The following OR2L2 variants were observed in gnomAD, a reference collection of about 807,000 sequenced individuals.
OR2L2 encodes olfactory receptor 2L2.
For synonymous variants in OR2L2, 156 were observed against 135.4 expected (o/e 1.15, Z -1.06); for missense variants, 378 against 375.2 (o/e 1.01, Z -0.06).
rs562944050 is a variant in OR2L2 at position 248,033,583 on chromosome 1, C to T, written c.-96-1967C>T. On this transcript the variant is annotated intron_variant, in intron 1 of 2. Coordinates refer to ENST00000641771, the MANE Select transcript of OR2L2 (RefSeq NM_001385855.1). ...CCCCAAGTAGATGGGACTACTGGTG[C>T]GAGCCACCACACCTGGCTAATTTTT... Among the ~76,000 whole-genome samples the T allele has an allele frequency of 1.3e-4, 19 of 148,714 alleles. 1 individual carries two copies. The South Asian group carries it at 2.2e-3, about 17-fold the overall frequency.
chr1:248,038,030 T>G (rs1662813672), intron 2 of OR2L2: 1 of 386,266 alleles, frequency 2.6e-6, no homozygotes, highest in South Asian at 4.6e-5. Flanking sequence ...AGTATATAGT[T>G]GTAATTGTTC....
chr1:248,036,490 G>A lies in OR2L2; in HGVS notation c.-22+866G>A, dbSNP rs560748597. The stretch of plus-strand genomic sequence containing the variant: ...GCAGGTTTGTGATAGTTTTAACTCA[G>A]TGTACATACACGTGTATTGATCCTT... On this transcript the variant is annotated intron_variant, in intron 2 of 2. Transcript: ENST00000641771. 2.6e-4 allele frequency among the ~76,000 whole-genome samples: 39 copies of A among 152,218 alleles called. 1 individual carries two copies. The South Asian group carries it at 8.1e-3, about 32-fold the overall frequency.
At position 248,038,970 on chromosome 1, in the gene OR2L2, A is replaced by G; in HGVS notation, c.703A>G (p.Lys235Glu). 6.2e-7 allele frequency: 1 copy of G among 1,614,094 alleles called. No homozygotes were observed. Among genetic ancestry groups the G allele is most frequent in the African/African-American group, 1.3e-5 (1 of 75,014 alleles). Reference protein sequence around the residue: ...YRMHSAEGRKKAYSTCSTHLT... With the variant: ...YRMHSAEGRKEAYSTCSTHLT... ...CATGCACTCTGCAGAAGGGAGGAAGAAGGCCTATTCAACCTGTAGCACCCA... is the reference window on the plus strand; with the variant it reads ...CATGCACTCTGCAGAAGGGAGGAAGGAGGCCTATTCAACCTGTAGCACCCA... Residue 235 changes from lysine to glutamate, a missense_variant, in exon 3 of 3, where the codon AAG becomes GAG. Physicochemically the swap from Lys to Glu is moderately conservative, Grantham distance 56. Transcript: ENST00000641771.
chr1:248,038,902 G>C lies in OR2L2; in HGVS notation c.635G>C (p.Gly212Ala). 1 of 1,614,078 alleles carries C rather than the reference G, an allele frequency of 6.2e-7. No homozygotes were observed. The highest frequency in any genetic ancestry group is 8.5e-7 in the Non-Finnish European group (1 of 1,180,022). ...STIFLVLPFT[G>A]IACSYGRVLL... The stretch of plus-strand genomic sequence containing the variant: ...ATCTTTCTTGTGCTTCCTTTCACTG[G>C]TATTGCATGTTCCTATGGCCGGGTT... The change falls in exon 3 of 3, where the codon GGT becomes GCT. Residue 212 changes from glycine (G) to alanine (A), a missense_variant. Transcript: ENST00000641771.
intron 1 of OR2L2, among the ~76,000 whole-genome samples, chr1:248,035,275 C>A (rs7526953): frequency 0.1 from 15,635 of 151,810 alleles, 885 homozygotes; most frequent in East Asian, 0.16. Context: ...ACGGTGAAAC[C>A]CCGTCTCTAC....
chr1:248,033,172 C>T (rs1226767764), intron 1 of OR2L2, among the ~76,000 whole-genome samples: 1 of 152,134 alleles, frequency 6.6e-6, no homozygotes, highest in Admixed American at 6.6e-5. Context: ...AGAGGCTGTA[C>T]AATTTCATTT....
chr1:248,032,082 A>G (rs141737181), intron 1 of OR2L2, among the ~76,000 whole-genome samples: 143 of 152,282 alleles, frequency 9.4e-4, no homozygotes, highest in Non-Finnish European at 1.5e-3. Flanking sequence ...AATTCAAACT[A>G]TTGCATCAGT....
chr1:248,039,004 T>C lies in OR2L2; in HGVS notation c.737T>C (p.Val246Ala), dbSNP rs770390367. 1 of 1,614,130 alleles carries C rather than the reference T, an allele frequency of 6.2e-7. No individual in the cohort carries two copies. The highest frequency in any genetic ancestry group is 1.7e-5 in the Admixed American group (1 of 60,016). ...TCAACCTGTAGCACCCACCTCACTG[T>C]AGTGTCCTTCTACTATGCACCCTTT... ...AYSTCSTHLT[V>A]VSFYYAPFAY... Residue 246 changes from valine to alanine, a missense_variant, in exon 3 of 3, where the codon GTA becomes GCA. Physicochemically the swap from Val to Ala is moderately conservative, Grantham distance 64 (BLOSUM62 0). Coordinates refer to ENST00000641771, the MANE Select transcript of OR2L2 (RefSeq NM_001385855.1).
rs142583145 is a variant in OR2L2 at position 248,033,742 on chromosome 1, C to G, written c.-96-1808C>G. Among the ~76,000 whole-genome samples the G allele has an allele frequency of 2.1e-3, 313 of 152,022 alleles. 4 individuals are homozygous for G. The highest frequency in any genetic ancestry group is 3.7e-3 in the Non-Finnish European group (251 of 67,932). On this transcript the variant is annotated intron_variant, in intron 1 of 2. Coordinates refer to ENST00000641771, the MANE Select transcript of OR2L2 (RefSeq NM_001385855.1). ...TCAGGTGTGAGCCATGGCACCTGTC[C>G]TCTCTTTTCTTCTATTGTTATACAT...
rs976534073 is a variant in OR2L2, at chr1:248,040,017, T to A, written c.*811T>A. The A allele has an allele frequency of 2.0e-5, 3 of 152,216 alleles. No homozygotes were observed. Among genetic ancestry groups the A allele is most frequent in the Non-Finnish European group, 2.9e-5 (2 of 68,042 alleles). 9.4% of individuals were successfully genotyped at this position (152,216 alleles called of 1,614,324 possible). On this transcript the variant is annotated 3_prime_UTR_variant, in exon 3 of 3. Coordinates refer to ENST00000641771, the MANE Select transcript of OR2L2 (RefSeq NM_001385855.1). ...CTTAGTGGAGTGTGGAGTAGGTTAT[T>A]TGAATCATTTCCCAGTCACGTCACA... is the stretch of plus-strand genomic sequence containing the variant.
chr1:248,035,118 AG>A (rs2103092327), intron 1 of OR2L2, among the ~76,000 whole-genome samples: 1 of 151,764 alleles, frequency 6.6e-6, no homozygotes, highest in East Asian at 1.9e-4. Context: ...ATGCCGTGAA[AG>A]TGGACATTTT....
intron 2 of OR2L2, among the ~76,000 whole-genome samples, chr1:248,037,506 G>C (rs1473546758): frequency 6.6e-6 from 1 of 152,108 alleles, no homozygotes; most frequent in Non-Finnish European, 1.5e-5. Context: ...TTTTGAAGTT[G>C]TAAGACAAAT....
chr1:248,033,054 A>G (rs1662662075), intron 1 of OR2L2, among the ~76,000 whole-genome samples: 1 of 152,222 alleles, frequency 6.6e-6, no homozygotes, highest in Admixed American at 6.5e-5. Flanking sequence ...TAACATTGAG[A>G]TGACTTTTTC....
rs1397295369 is a variant in OR2L2, at chr1:248,042,058, A to G, written c.*2852A>G. The G allele has an allele frequency of 6.6e-6, 1 of 152,140 alleles. No homozygotes were observed. The highest frequency in any genetic ancestry group is 1.5e-5 in the Non-Finnish European group (1 of 68,020). The allele number at this position is 152,140 out of a possible 1,614,324, so 9.4% of individuals were successfully genotyped here. A position where few individuals can be genotyped will look rare whatever the true frequency, so the allele number is the denominator to read the frequency against. On this transcript the variant is annotated 3_prime_UTR_variant, in exon 3 of 3. Transcript: ENST00000641771. ...CTGCTATAAAGACACATGCACACCT[A>G]TGTTTATTGCGGCACTATTCACAAT...
In OR2L2 at chr1:248,038,675, C is replaced by A. The variant is rs1287727845; in HGVS notation, c.408C>A (p.Ser136Arg). 42 of 1,614,024 alleles carry A rather than the reference C, an allele frequency of 2.6e-5. No individual in the cohort carries two copies. Among genetic ancestry groups the A allele is most frequent in the Non-Finnish European group, 3.3e-5 (39 of 1,180,026 alleles). ...CTCTCCACTATCCCATCCGTATAAG[C>A]AAAAGAGTGTGTGTGATGATGATAA... ...CFPLHYPIRI[S>R]KRVCVMMITG... The change falls in exon 3 of 3, where the codon AGC (serine) becomes AGA (arginine). Residue 136 changes from serine to arginine, a missense_variant. By Grantham distance (110) the Ser-to-Arg change is moderately radical. Coordinates refer to ENST00000641771, the MANE Select transcript of OR2L2 (RefSeq NM_001385855.1).
rs1572689809 is a variant in OR2L2 at position 248,038,390 on chromosome 1, T to C, written c.123T>C (p.Asn41=). The C allele has an allele frequency of 6.2e-7, 1 of 1,613,548 alleles. No homozygotes were observed. The highest frequency in any genetic ancestry group is 1.1e-5 in the South Asian group (1 of 91,066). ...TTTTCCTAATGGCTCTAATTGGAAA[T>C]CTATCCATGATTCTTCTCATCTTTT... The part of the protein sequence containing the change: ...FLIFLMALIG[N]LSMILLIFLD... Residue 41 remains asparagine, a synonymous_variant, in exon 3 of 3, where the codon AAT becomes AAC. Transcript: ENST00000641771.
At chr1:248,037,204 CA>C (rs1163038285) in intron 2 of OR2L2, among the ~76,000 whole-genome samples, 1 of 152,038 alleles carries the variant, frequency 6.6e-6, no homozygotes, top group African/African-American at 2.4e-5. Flanking sequence ...GTAGAAGAAC[CA>C]AATAATGATG....
chr1:248,039,388 A>G lies in OR2L2; in HGVS notation c.*182A>G. On this transcript the variant is annotated 3_prime_UTR_variant, in exon 3 of 3. Coordinates refer to ENST00000641771, the MANE Select transcript of OR2L2 (RefSeq NM_001385855.1). ...TATTAATACATATTCTAAGACATCT[A>G]TTTTGATTTTGTTTGTGTGTGGTTT... The G allele has an allele frequency of 2.4e-6, 1 of 416,712 alleles. No individual in the cohort carries two copies. Among genetic ancestry groups the G allele is most frequent in the Non-Finnish European group, 4.1e-6 (1 of 244,626 alleles). 25.8% of individuals were successfully genotyped at this position (416,712 alleles called of 1,614,324 possible). A position where few individuals can be genotyped will look rare whatever the true frequency, so the allele number is the denominator to read the frequency against.
intron 1 of OR2L2, among the ~76,000 whole-genome samples, chr1:248,033,653 G>C (rs886473704): frequency 6.6e-6 from 1 of 151,090 alleles, no homozygotes; most frequent in Non-Finnish European, 1.5e-5. Flanking sequence ...TGTTTTACTG[G>C]CTGGTCTCAA....
Sources: allele counts gnomAD v4.1 joint callset (sites outside exome capture counted in the v4.1 genomes callset), GRCh38; gene constraint gnomAD v4.1.1; transcripts MANE v1.5; gene names NCBI Gene and HGNC (gene_info 2026-07-23, HGNC 2026-07-21).